The following COL15A1 variants were observed in gnomAD, a reference collection of about 807,000 sequenced individuals.
The protein encoded by COL15A1 is collagen alpha-1(XV) chain.
COL15A1 carries 111 observed loss-of-function variants against 165.9 expected under a neutral mutation model. The ratio of observed to expected loss-of-function variants is 0.67; its 90% CI spans 0.57 to 0.78. The LOEUF is 0.78. Ranked by LOEUF, COL15A1 falls within the 30% of genes least tolerant of loss-of-function variation. The probability of loss-of-function intolerance (pLI) is 0.00; values close to 1 mark genes in which losing one functional copy is unlikely to be tolerated. For synonymous variants in COL15A1, 659 were observed against 674.8 expected (o/e 0.98, Z 0.36); for missense variants, 1,745 against 1,789.7 (o/e 0.98, Z 0.45).
At chr9:99,007,125 ACAAACG>A (rs1838776328) in intron 9 of COL15A1, among the ~76,000 whole-genome samples, 1 of 151,818 alleles carries the variant, frequency 6.6e-6, no homozygotes, top group Non-Finnish European at 1.5e-5. Context: ...TAGATAAGAG[ACAAACG>A]CTTGCATTCT....
At chr9:99,055,172 A>G (rs1445521548) in intron 33 of COL15A1, 21 bp downstream of exon 33, 1 of 1,610,004 alleles carries the variant, frequency 6.2e-7, no homozygotes, top group Non-Finnish European at 8.5e-7. Context: ...CTCTACCAAT[A>G]TTTGGCCTGT....
intron 2 of COL15A1, among the ~76,000 whole-genome samples, chr9:98,947,096 A>G (rs1837599848): frequency 1.3e-5 from 2 of 152,230 alleles, no homozygotes; most frequent in Admixed American, 1.3e-4. Context: ...ACTCATATGT[A>G]TGTTCATAGC....
chr9:99,000,019 T>C, intron 6 of COL15A1, among the ~76,000 whole-genome samples: 1 of 152,074 alleles, frequency 6.6e-6, no homozygotes, highest in Non-Finnish European at 1.5e-5. Flanking sequence ...TACAGGCATG[T>C]GGAATCACAC....
chr9:99,029,105 C>T (rs1839175499), intron 16 of COL15A1, among the ~76,000 whole-genome samples: 1 of 152,218 alleles, frequency 6.6e-6, no homozygotes, highest in South Asian at 2.1e-4. Flanking sequence ...TCTGCTTTTG[C>T]ACTGCAGATT....
At chr9:98,964,393 G>T (rs1030183767) in intron 2 of COL15A1, among the ~76,000 whole-genome samples, 4 of 152,182 alleles carry the variant, frequency 2.6e-5, no homozygotes, top group Admixed American at 2.0e-4. Flanking sequence ...TGACTTCAGG[G>T]TCACCATCTG....
intron 14 of COL15A1, among the ~76,000 whole-genome samples, chr9:99,024,278 TTTTTTTG>T (rs1839081069): frequency 5.8e-5 from 6 of 103,688 alleles, no homozygotes; most frequent in East Asian, 4.2e-4. Context: ...GTTTTTTTTG[TTTTTTTG>T]TTTTTTTTTT....
intron 2 of COL15A1, among the ~76,000 whole-genome samples, chr9:98,968,850 T>C (rs1431204272): frequency 1.3e-5 from 2 of 152,314 alleles, no homozygotes; most frequent in East Asian, 3.9e-4. Context: ...TTCCAGCTTC[T>C]GGTCAGCTGC....
intron 2 of COL15A1, among the ~76,000 whole-genome samples, chr9:98,972,928 T>C (rs1462142246): frequency 6.6e-6 from 1 of 152,260 alleles, no homozygotes; most frequent in Non-Finnish European, 1.5e-5. Flanking sequence ...TCTTCAGTGC[T>C]GGCTGCTGCA....
chr9:98,992,695 CACCCTGCAAGGTAGGTGGCATCA>C (rs1398343647), intron 5 of COL15A1, among the ~76,000 whole-genome samples: 1 of 152,224 alleles, frequency 6.6e-6, no homozygotes, highest in Non-Finnish European at 1.5e-5. Flanking sequence ...TGTTTCTTGC[CACCCTGCAAGGTAGGTGGCATCA>C]GCCCCATTGT....
chr9:99,006,020 A>G (rs1421194535), intron 9 of COL15A1, among the ~76,000 whole-genome samples: 2 of 152,000 alleles, frequency 1.3e-5, no homozygotes, highest in African/African-American at 4.8e-5. Flanking sequence ...ACCTTTTTCT[A>G]GTTTCTCCAT....
chr9:99,068,530 C>T, intron 40 of COL15A1, 25 bp from the exon 41 acceptor site: 1 of 889,038 alleles, frequency 1.1e-6, no homozygotes, highest in South Asian at 2.0e-5. Flanking sequence ...TATAATGATT[C>T]TAATGTGGTA....
intron 2 of COL15A1, among the ~76,000 whole-genome samples, chr9:98,958,552 T>C (rs897426604): frequency 1.3e-5 from 2 of 152,244 alleles, no homozygotes; most frequent in African/African-American, 4.8e-5. Flanking sequence ...GCAGAGTTTT[T>C]CCATGTGACA....
At chr9:99,020,247 T>C in intron 11 of COL15A1, 142 bp from the exon 12 acceptor site, 1 of 660,916 alleles carries the variant, frequency 1.5e-6, no homozygotes, top group South Asian at 1.8e-5. Context: ...TCTCTCTTCA[T>C]GGGGCTCACT....
At chr9:99,048,233 G>A (rs1839526447) in intron 28 of COL15A1, among the ~76,000 whole-genome samples, 1 of 152,318 alleles carries the variant, frequency 6.6e-6, no homozygotes, top group Non-Finnish European at 1.5e-5. Flanking sequence ...GACCCAGAGG[G>A]AGTAGGGGAG....
At chr9:99,015,676 C>G in intron 10 of COL15A1, 110 bp downstream of exon 10, 1 of 1,062,058 alleles carries the variant, frequency 9.4e-7, no homozygotes, top group South Asian at 1.5e-5. Flanking sequence ...TGGTTATGAG[C>G]ACATGTCTGG....
At chr9:98,977,303 G>A (rs578058120) in intron 2 of COL15A1, among the ~76,000 whole-genome samples, 11 of 152,296 alleles carry the variant, frequency 7.2e-5, no homozygotes, top group African/African-American at 2.6e-4. Flanking sequence ...CACCAGCTGT[G>A]ATCTCCACCC....
In COL15A1 at chr9:99,063,116, A is replaced by G; in HGVS notation, c.3651+7A>G. The G allele has an allele frequency of 6.3e-7, 1 of 1,582,706 alleles. No homozygotes were observed. Among genetic ancestry groups the G allele is most frequent in the South Asian group, 1.2e-5 (1 of 84,460 alleles). On this transcript the variant is annotated splice_region_variant and intron_variant, in intron 39 of 41. Transcript: ENST00000375001. ...CAATTATGAGAAGCCTGCTGTAAGT[A>G]CAATTTATACATTTAATCTTCAAAT...
intron 31 of COL15A1, 59 bp downstream of exon 31, chr9:99,052,492 T>C: frequency 7.1e-7 from 1 of 1,407,614 alleles, no homozygotes; most frequent in Non-Finnish European, 1.0e-6. Context: ...GGAAGATGGT[T>C]TTCCTTTGCC....
intron 2 of COL15A1, among the ~76,000 whole-genome samples, chr9:98,954,379 T>G (rs543446076): frequency 1.3e-5 from 2 of 152,352 alleles, no homozygotes; most frequent in African/African-American, 4.8e-5. Context: ...TTTCCACCCC[T>G]AAGTATGCAC....
Sources: allele counts gnomAD v4.1 joint callset (sites outside exome capture counted in the v4.1 genomes callset), GRCh38; gene constraint gnomAD v4.1.1; transcripts MANE v1.5; gene names NCBI Gene and HGNC (gene_info 2026-07-23, HGNC 2026-07-21).